The following TNR variants were observed in gnomAD, a reference collection of about 807,000 sequenced individuals.
The protein encoded by TNR is tenascin-R.
Under a neutral mutation model 150.4 loss-of-function variants are expected in TNR, and 45 were observed. That is an observed-to-expected ratio of 0.30 (90% CI 0.24 to 0.38). TNR has a LOEUF of 0.38. Among genes scored for constraint, TNR ranks in the 10% least tolerant of loss-of-function variants. The pLI, the probability that TNR is intolerant of heterozygous loss-of-function variation, is 1.00. For missense variants in TNR, 1,544 were observed against 1,759.1 expected, an observed-to-expected ratio of 0.88 and a Z score of 2.19; for synonymous variants, 687 against 678.4, an observed-to-expected ratio of 1.01 and a Z score of -0.20.
Position 175,371,336 on chromosome 1 carries a change from T to G in TNR, c.1964-4039A>C, listed in dbSNP as rs1437044468. Among the ~76,000 whole-genome samples, 3 of 152,318 alleles carry G rather than the reference T, an allele frequency of 2.0e-5. No homozygotes were observed. In the South Asian group the frequency reaches 6.2e-4, roughly 32 times the overall value. On this transcript the variant is annotated intron_variant, in intron 9 of 22. Transcript: ENST00000367674. ...TTTGTTCAACTTGGAGGTTGATGCT[T>G]TTCTCAACTCTTTCACCTCACACCC...
At chr1:175,701,966 A>C (rs1666709705) in intron 1 of TNR, among the ~76,000 whole-genome samples, 1 of 152,246 alleles carries the variant, frequency 6.6e-6, no homozygotes. Context: ...CAGTCGATTT[A>C]TAGTGGAGTG....
Position 175,731,518 on chromosome 1 carries a change from C to T in TNR, c.-165+11708G>A, listed in dbSNP as rs184974387. ...CATTTTCAGAGTACCTATTAAGTGC[C>T]CGGAGTCCTATATATGTTGCCTTAT... On this transcript the variant is annotated intron_variant, in intron 1 of 22. Transcript: ENST00000367674. Among the ~76,000 whole-genome samples the T allele has an allele frequency of 3.3e-5, 5 of 152,190 alleles. No homozygotes were observed. The East Asian group carries it at 7.7e-4, about 23-fold the overall frequency.
chr1:175,382,496 C>T (rs539600921), intron 8 of TNR, among the ~76,000 whole-genome samples: 5 of 152,214 alleles, frequency 3.3e-5, no homozygotes, highest in African/African-American at 4.8e-5. Flanking sequence ...AGTCCTAGAG[C>T]GGCATCACTG....
chr1:175,653,553 A>G lies in TNR; in HGVS notation c.-165+89673T>C, dbSNP rs74127390. On this transcript the variant is annotated intron_variant, in intron 1 of 22. Coordinates refer to ENST00000367674, the MANE Select transcript of TNR (RefSeq NM_003285.3). ...CAGGGAAAATGAAGGAAAGAAAGAA[A>G]GTGGAAGAATACAAGAGAGGGGTCT... Among the ~76,000 whole-genome samples the G allele has an allele frequency of 6.1e-3, 934 of 152,328 alleles. 11 individuals carry two copies. The highest frequency in any genetic ancestry group is 0.021 in the African/African-American group (887 of 41,572).
At chr1:175,454,414 A>G (rs1557944230) in intron 2 of TNR, among the ~76,000 whole-genome samples, 2 of 152,212 alleles carry the variant, frequency 1.3e-5, no homozygotes, top group African/African-American at 4.8e-5. Context: ...TAAAAAGAGC[A>G]TGTGCTCTGC....
intron 1 of TNR, among the ~76,000 whole-genome samples, chr1:175,535,627 AT>A (rs34901178): frequency 0.012 from 1,683 of 138,726 alleles, 13 homozygotes; most frequent in Middle Eastern, 0.031. Flanking sequence ...TGCCCGGCTA[AT>A]TTTTTTTTTT....
intron 2 of TNR, among the ~76,000 whole-genome samples, chr1:175,430,519 A>ACCC (rs1468295388): frequency 1.3e-5 from 2 of 152,206 alleles, no homozygotes; most frequent in Non-Finnish European, 2.9e-5. Context: ...TGCACTTTCA[A>ACCC]TGAGTACAGA....
chr1:175,397,649 T>C (rs1183327898), intron 4 of TNR, among the ~76,000 whole-genome samples: 3 of 152,252 alleles, frequency 2.0e-5, no homozygotes, highest in African/African-American at 7.2e-5. Context: ...AGACCACTTA[T>C]GTTCTGAAAG....
intron 18 of TNR, among the ~76,000 whole-genome samples, chr1:175,345,273 G>A (rs912455768): frequency 1.3e-5 from 2 of 152,092 alleles, no homozygotes; most frequent in Admixed American, 6.6e-5. Flanking sequence ...CATGTCTGTG[G>A]CCTTTTTCTA....
rs543200480 is a variant in TNR, at chr1:175,692,051, G to T, written c.-165+51175C>A. Among the ~76,000 whole-genome samples, 10 of 152,224 alleles carry T rather than the reference G, an allele frequency of 6.6e-5. 1 individual carries two copies. The South Asian group carries it at 1.0e-3, about 16-fold the overall frequency. Reference sequence around the variant, plus strand: ...GCACTTTGCATCGGCAAAGTAGTTCGGTTCCCATGACATACTTCACAGTCA... The same window carrying T: ...GCACTTTGCATCGGCAAAGTAGTTCTGTTCCCATGACATACTTCACAGTCA... On this transcript the variant is annotated intron_variant, in intron 1 of 22. Transcript: ENST00000367674.
intron 1 of TNR, among the ~76,000 whole-genome samples, chr1:175,726,264 C>G (rs1667474786): frequency 6.6e-6 from 1 of 152,214 alleles, no homozygotes; most frequent in Non-Finnish European, 1.5e-5. Flanking sequence ...ATACAGGCAT[C>G]TACCCTATGT....
At chr1:175,696,380 C>A (rs1398652408) in intron 1 of TNR, among the ~76,000 whole-genome samples, 1 of 151,782 alleles carries the variant, frequency 6.6e-6, no homozygotes, top group East Asian at 1.9e-4. Flanking sequence ...ACGTGGAGAG[C>A]AGGGTGGGCA....
rs150989959 is a variant in TNR, at chr1:175,522,880, G to T, written c.-64+5389C>A. Reference sequence around the variant, plus strand: ...CAGACAATTTAAATTTGTCTTTATGGCATACCAATGGATAATTTTATAAAG... The same window carrying T: ...CAGACAATTTAAATTTGTCTTTATGTCATACCAATGGATAATTTTATAAAG... On this transcript the variant is annotated intron_variant, in intron 2 of 22. Coordinates refer to ENST00000367674, the MANE Select transcript of TNR (RefSeq NM_003285.3). 1.1e-4 allele frequency among the ~76,000 whole-genome samples: 17 copies of T among 152,268 alleles called. No individual in the cohort carries two copies. In the East Asian group the frequency reaches 3.3e-3, roughly 29 times the overall value.
At chr1:175,525,567 G>T (rs1436160581) in intron 2 of TNR, among the ~76,000 whole-genome samples, 1 of 152,222 alleles carries the variant, frequency 6.6e-6, no homozygotes, top group Non-Finnish European at 1.5e-5. Context: ...CTGAAATCTG[G>T]GGTGAGTTTT....
At chr1:175,457,930 AGTT>A (rs1656636376) in intron 2 of TNR, among the ~76,000 whole-genome samples, 1 of 152,242 alleles carries the variant, frequency 6.6e-6, no homozygotes, top group Non-Finnish European at 1.5e-5. Flanking sequence ...CAAACGCCAG[AGTT>A]GTTGTTTAAA....
chr1:175,630,648 C>T (rs1664297265), intron 1 of TNR, among the ~76,000 whole-genome samples: 2 of 152,208 alleles, frequency 1.3e-5, no homozygotes, highest in African/African-American at 4.8e-5. Context: ...TTCAAATATA[C>T]TTCTTCAGGT....
intron 1 of TNR, among the ~76,000 whole-genome samples, chr1:175,576,638 C>A (rs1260463946): frequency 6.6e-6 from 1 of 151,798 alleles, no homozygotes; most frequent in Non-Finnish European, 1.5e-5. Context: ...CCCACCACAC[C>A]ATCCCAAGCT....
chr1:175,451,327 C>G (rs189190505), intron 2 of TNR, among the ~76,000 whole-genome samples: 1 of 152,066 alleles, frequency 6.6e-6, no homozygotes, highest in Admixed American at 6.5e-5. Context: ...CCCATTAACT[C>G]GTCATTTACA....
At chr1:175,639,663 A>G (rs1664592863) in intron 1 of TNR, among the ~76,000 whole-genome samples, 1 of 152,132 alleles carries the variant, frequency 6.6e-6, no homozygotes, top group African/African-American at 2.4e-5. Flanking sequence ...CAAGGACCTC[A>G]TCATAATCTA....
Sources: allele counts gnomAD v4.1 joint callset (sites outside exome capture counted in the v4.1 genomes callset), GRCh38; gene constraint gnomAD v4.1.1; transcripts MANE v1.5; gene names NCBI Gene and HGNC (gene_info 2026-07-23, HGNC 2026-07-21).